CEP63: variants seen among roughly 807,000 people sequenced by gnomAD.
CEP63 encodes the protein centrosomal protein of 63 kDa.
A neutral mutation model predicts 89.1 loss-of-function variants in CEP63; 84 were observed. The observed-to-expected ratio is 0.94, with a 90% CI of 0.79 to 1.13. The LOEUF is 1.13. Among genes scored for constraint, CEP63 ranks in the 50% most tolerant of loss-of-function variants. The pLI is 0.00. For synonymous variants in CEP63, 267 were observed against 272.5 expected (o/e 0.98, Z 0.20); for missense variants, 838 against 813.3 (o/e 1.03, Z -0.37).
chr3:134,744,848 G>GTA, the CEP63 span, among the ~76,000 whole-genome samples: 1 of 152,112 alleles, frequency 6.6e-6, no homozygotes, highest in Non-Finnish European at 1.5e-5. Context: ...AGTTCTGTGT[G>GTA]TATTTGTCTA....
In CEP63 at chr3:134,547,737, G is replaced by A. The variant is rs563733087; in HGVS notation, c.1067+265G>A. 2.0e-5 allele frequency among the ~76,000 whole-genome samples: 3 copies of A among 151,266 alleles called. No homozygotes were observed. The East Asian group carries it at 5.9e-4, about 30-fold the overall frequency. Reference sequence around the variant, plus strand: ...TGATTCTTCTGCCCCAGCCTCCTGAGTAGCTGAGATTACAGGCGTGCACCA... The same window carrying A: ...TGATTCTTCTGCCCCAGCCTCCTGAATAGCTGAGATTACAGGCGTGCACCA... On this transcript the variant is annotated intron_variant, in intron 9 of 14. Transcript: ENST00000675561.
At chr3:134,488,985 GTC>G (rs1314785173) in intron 1 of CEP63, among the ~76,000 whole-genome samples, 1 of 151,824 alleles carries the variant, frequency 6.6e-6, no homozygotes, top group Non-Finnish European at 1.5e-5. Context: ...GTGAAACCCC[GTC>G]TCTACTAAAA....
chr3:134,699,909 C>T, the CEP63 span, among the ~76,000 whole-genome samples: 1 of 152,260 alleles, frequency 6.6e-6, no homozygotes, highest in Non-Finnish European at 1.5e-5. Flanking sequence ...TTGTTCCCAG[C>T]CCTGATGCTC....
chr3:134,663,700 G>A, the CEP63 span, among the ~76,000 whole-genome samples: 1 of 94,952 alleles, frequency 1.1e-5, no homozygotes, highest in South Asian at 5.1e-4. Context: ...TGGCATGCGG[G>A]GCCCCAGAGG....
the CEP63 span, among the ~76,000 whole-genome samples, chr3:134,596,970 G>C: frequency 6.6e-6 from 1 of 152,182 alleles, no homozygotes; most frequent in Non-Finnish European, 1.5e-5. Context: ...AGGAAAAGAC[G>C]TCCTGGCTAG....
chr3:134,643,238 C>A, the CEP63 span: 1 of 1,417,984 alleles, frequency 7.1e-7, no homozygotes, highest in East Asian at 2.3e-5. Flanking sequence ...GCTCCACATC[C>A]TGGGCTGTCG....
chr3:134,530,309 C>A (rs550897000), intron 3 of CEP63, among the ~76,000 whole-genome samples: 99 of 152,254 alleles, frequency 6.5e-4, no homozygotes, highest in Non-Finnish European at 1.2e-3. Flanking sequence ...TTTATAAGAT[C>A]TTTGCTAATT....
At chr3:134,687,331 A>G in the CEP63 span, among the ~76,000 whole-genome samples, 41 of 152,320 alleles carry the variant, frequency 2.7e-4, no homozygotes, top group Middle Eastern at 0.01. Context: ...GATTCTCTGG[A>G]AAACATATGG....
At chr3:134,720,073 T>C in the CEP63 span, among the ~76,000 whole-genome samples, 1 of 152,202 alleles carries the variant, frequency 6.6e-6, no homozygotes, top group South Asian at 2.1e-4. Flanking sequence ...TGCACCATTT[T>C]ACATTCCAAC....
chr3:134,628,165 A>C, the CEP63 span: 1 of 289,534 alleles, frequency 3.5e-6, no homozygotes, highest in Non-Finnish European at 6.6e-6. Context: ...GCTTTCTTGA[A>C]TCCACTGCCA....
At chr3:134,608,019 G>A in the CEP63 span, 1 of 1,050,028 alleles carries the variant, frequency 9.5e-7, no homozygotes, top group Non-Finnish European at 1.2e-6. Flanking sequence ...CCAAGACCCA[G>A]CTCAGTGGCC....
At chr3:134,627,818 C>A in the CEP63 span, 1 of 1,611,880 alleles carries the variant, frequency 6.2e-7, no homozygotes, top group Non-Finnish European at 8.5e-7. Flanking sequence ...ACCTTGTAAA[C>A]CTACAATATT....
the CEP63 span, chr3:134,643,213 C>T: frequency 3.1e-5 from 34 of 1,086,442 alleles, no homozygotes; most frequent in Non-Finnish European, 3.5e-5. Context: ...GAGGACCCTG[C>T]TCCCCATAGT....
intron 3 of CEP63, among the ~76,000 whole-genome samples, chr3:134,523,176 G>A (rs1472297434): frequency 6.6e-6 from 1 of 152,120 alleles, no homozygotes; most frequent in Non-Finnish European, 1.5e-5. Context: ...TTTTTTATAT[G>A]ATTGTTGGCT....
At chr3:134,667,488 T>C in the CEP63 span, among the ~76,000 whole-genome samples, 9 of 152,234 alleles carry the variant, frequency 5.9e-5, no homozygotes, top group African/African-American at 2.2e-4. Context: ...AAAAGAATCA[T>C]GAAAACAGTA....
downstream of CEP63, among the ~76,000 whole-genome samples, chr3:134,577,627 G>C (rs1958246897): frequency 6.6e-6 from 1 of 150,886 alleles, no homozygotes; most frequent in South Asian, 2.1e-4. Context: ...TTCTTACTTT[G>C]AGTTCTGGAA....
the CEP63 span, among the ~76,000 whole-genome samples, chr3:134,690,147 T>C: frequency 1.3e-5 from 2 of 152,210 alleles, no homozygotes; most frequent in Non-Finnish European, 2.9e-5. Flanking sequence ...GGATAATTAG[T>C]ATTTATCCTT....
At chr3:134,627,700 T>G in the CEP63 span, 3 of 1,502,648 alleles carry the variant, frequency 2.0e-6, no homozygotes, top group Non-Finnish European at 2.8e-6. Flanking sequence ...GATTAGTCTA[T>G]GAGGCTAAAC....
chr3:134,681,820 T>A, the CEP63 span, among the ~76,000 whole-genome samples: 2 of 152,200 alleles, frequency 1.3e-5, no homozygotes, highest in Admixed American at 6.5e-5. Flanking sequence ...TCACAACCAC[T>A]CTATGATGTG....
Sources: gnomAD v4.1 joint callset for allele counts (sites outside exome capture counted in the v4.1 genomes callset) on GRCh38, gnomAD v4.1.1 for gene constraint, MANE v1.5 for transcripts, NCBI Gene and HGNC (gene_info 2026-07-23, HGNC 2026-07-21) for gene names.